Variants in KCNJ12 observed in about 807,000 individuals in gnomAD.
The protein encoded by KCNJ12 is potassium inwardly rectifying channel subfamily J member 12, also known as ATP-sensitive inward rectifier potassium channel 12.
Under a neutral mutation model 22.3 loss-of-function variants are expected in KCNJ12, and 2 were observed. The observed-to-expected ratio is 0.09, with a 90% confidence interval of 0.04 to 0.28. The LOEUF (loss-of-function observed/expected upper bound fraction) is 0.28. KCNJ12 is among the 10% of genes least tolerant of loss of function. The probability of loss-of-function intolerance (pLI) is 1.00; values close to 1 mark genes in which losing one functional copy is unlikely to be tolerated. For synonymous variants in KCNJ12, 117 were observed against 261.4 expected (o/e 0.45, Z 5.33); for missense variants, 155 against 633.3 (o/e 0.24, Z 8.11).
chr17:21,393,403 C>A (rs1030706804), intron 1 of KCNJ12, among the ~76,000 whole-genome samples: 19 of 152,130 alleles, frequency 1.2e-4, no homozygotes, highest in Admixed American at 6.5e-5. Context: ...ACCTGCACAC[C>A]CTGCCCCACT....
chr17:21,380,082 C>G (rs971230971), intron 1 of KCNJ12, among the ~76,000 whole-genome samples: 1 of 152,148 alleles, frequency 6.6e-6, no homozygotes, highest in African/African-American at 2.4e-5. Flanking sequence ...CCCTCAGGGG[C>G]ATTTGACTGC....
intron 1 of KCNJ12, among the ~76,000 whole-genome samples, chr17:21,382,300 G>A (rs782791506): frequency 6.6e-5 from 10 of 152,190 alleles, no homozygotes; most frequent in Non-Finnish European, 1.3e-4. Context: ...TGAGGCCTGG[G>A]GCGTGGGGCC....
rs3078445 is a variant in KCNJ12, at chr17:21,419,295, CGTGTGTGTGTGTGT to C, written c.*2672_*2685del. On this transcript the variant is annotated 3_prime_UTR_variant, in exon 3 of 3. Transcript: ENST00000583088. ...TAGTAATACAGATACGTGATCTATA[CGTGTGTGTGTGTGT>C]GTGTGTGTGTGTGTGTGTGTATGCA... 1.2e-4 allele frequency: 18 copies of C among 154,330 alleles called. No homozygotes were observed. The highest frequency in any genetic ancestry group is 3.3e-4 in the African/African-American group (13 of 39,298). 9.6% of individuals were successfully genotyped at this position (154,330 alleles called of 1,614,324 possible). A position where few individuals can be genotyped will look rare whatever the true frequency, so the allele number is the denominator to read the frequency against.
chr17:21,386,928 T>C (rs977678284), intron 1 of KCNJ12, among the ~76,000 whole-genome samples: 2 of 152,264 alleles, frequency 1.3e-5, no homozygotes, highest in Admixed American at 1.3e-4. Flanking sequence ...TCACAGGTTC[T>C]GTGTGGACAT....
Position 21,377,740 on chromosome 17 carries a change from C to A in KCNJ12, c.-179+827C>A, listed in dbSNP as rs1031574642. 2.6e-5 allele frequency among the ~76,000 whole-genome samples: 4 copies of A among 152,276 alleles called. No homozygotes were observed. The East Asian group carries it at 7.7e-4, about 29-fold the overall frequency. On this transcript the variant is annotated intron_variant, in intron 1 of 2. Coordinates refer to ENST00000583088, the MANE Select transcript of KCNJ12 (RefSeq NM_021012.5). ...TGCCTCGGTTTTGATCCAGCGTGCC[C>A]ATGTCATGTGAATATTTTAAAACCT...
At position 21,416,678 on chromosome 17, in the gene KCNJ12, G is replaced by C; in HGVS notation, c.*34G>C. The C allele has an allele frequency of 6.5e-7, 1 of 1,543,484 alleles. No homozygotes were observed. The highest frequency in any genetic ancestry group is 8.7e-7 in the Non-Finnish European group (1 of 1,146,128). ...TGGCCGACATGCAGCATCCACCCCC[G>C]GCTGGGGAGAGGCCCCGCGGTCGCT... On this transcript the variant is annotated 3_prime_UTR_variant, in exon 3 of 3. Transcript: ENST00000583088.
In KCNJ12 at chr17:21,419,126, G is replaced by A. The variant is rs1324371470; in HGVS notation, c.*2482G>A. The A allele has an allele frequency of 1.2e-5, 2 of 167,010 alleles. No individual in the cohort carries two copies. The highest frequency in any genetic ancestry group is 2.9e-5 in the Non-Finnish European group (2 of 68,136). The allele number at this position is 167,010 out of a possible 1,614,324, so 10.3% of individuals were successfully genotyped here. A position where few individuals can be genotyped will look rare whatever the true frequency, so the allele number is the denominator to read the frequency against. ...TCTCCCTCTTTAGTGCACTTGAAGC[G>A]GGAGGGCGGATGGGATGAGCCAGGA... On this transcript the variant is annotated 3_prime_UTR_variant, in exon 3 of 3. Transcript: ENST00000583088.
intron 2 of KCNJ12, among the ~76,000 whole-genome samples, chr17:21,410,703 C>T (rs1676063687): frequency 6.6e-6 from 1 of 152,292 alleles, no homozygotes; most frequent in African/African-American, 2.4e-5. Flanking sequence ...GTGCCACGCA[C>T]ACAGTCAGGC....
At chr17:21,402,223 A>T (rs3952389) in intron 1 of KCNJ12, among the ~76,000 whole-genome samples, 119 of 151,878 alleles carry the variant, frequency 7.8e-4, no homozygotes, top group Non-Finnish European at 9.6e-4. Context: ...TTGAAGGAGT[A>T]CCCTCTTCCC....
chr17:21,393,162 G>T (rs1292637743), intron 1 of KCNJ12, among the ~76,000 whole-genome samples: 2 of 152,038 alleles, frequency 1.3e-5, no homozygotes, highest in African/African-American at 4.8e-5. Context: ...TCAGAAGCTT[G>T]TGCTGCTTAG....
At chr17:21,377,422 A>G (rs1555557415) in intron 1 of KCNJ12, among the ~76,000 whole-genome samples, 1 of 151,076 alleles carries the variant, frequency 6.6e-6, no homozygotes. Context: ...TCTCTTTCTC[A>G]CCTCCCGTGC....
At chr17:21,377,083 G>A (rs577072025) in intron 1 of KCNJ12, among the ~76,000 whole-genome samples, 170 bp downstream of exon 1, 53 of 152,286 alleles carry the variant, frequency 3.5e-4, no homozygotes, top group Non-Finnish European at 6.5e-4. Context: ...TCCCTCCCTT[G>A]GTGAGACATC....
At chr17:21,406,239 C>T (rs1905926385) in intron 1 of KCNJ12, among the ~76,000 whole-genome samples, 3 of 152,304 alleles carry the variant, frequency 2.0e-5, no homozygotes, top group South Asian at 2.1e-4. Flanking sequence ...CAAGGCAGGG[C>T]TGTGAGCATC....
chr17:21,389,521 G>A (rs1555559078), intron 1 of KCNJ12, among the ~76,000 whole-genome samples: 1 of 152,218 alleles, frequency 6.6e-6, no homozygotes, highest in Non-Finnish European at 1.5e-5. Flanking sequence ...CGGCAGCTTC[G>A]CTGCTTGGGG....
chr17:21,403,541 A>C (rs1426387939), intron 1 of KCNJ12, among the ~76,000 whole-genome samples: 3 of 152,146 alleles, frequency 2.0e-5, no homozygotes, highest in Non-Finnish European at 2.9e-5. Flanking sequence ...GAAGCTGGAA[A>C]ATTTACAGCT....
In KCNJ12 at chr17:21,410,988, GTC is replaced by G. The variant is rs1236618584; in HGVS notation, c.-57+2352_-57+2353del. On this transcript the variant is annotated intron_variant, in intron 2 of 2. Coordinates refer to ENST00000583088, the MANE Select transcript of KCNJ12 (RefSeq NM_021012.5). ...GTGAGGCGCCCCAGCTAGCTGAACAGTCTCTGCATGGGGGATGGGGGCTGTTG... is the reference window on the plus strand; with the variant it reads ...GTGAGGCGCCCCAGCTAGCTGAACAGTCTGCATGGGGGATGGGGGCTGTTG... 3.9e-5 allele frequency among the ~76,000 whole-genome samples: 6 copies of G among 152,424 alleles called. No individual in the cohort carries two copies. In the East Asian group the frequency reaches 9.6e-4, roughly 24 times the overall value.
intron 1 of KCNJ12, among the ~76,000 whole-genome samples, chr17:21,380,911 A>G (rs4640244): frequency 0.33 from 49,939 of 151,864 alleles, 8,765 homozygotes; most frequent in East Asian, 0.41. Flanking sequence ...CCTAACCCCA[A>G]TCACCACCAC....
chr17:21,410,967 G>A (rs1430799026), intron 2 of KCNJ12, among the ~76,000 whole-genome samples: 1 of 152,308 alleles, frequency 6.6e-6, no homozygotes, highest in South Asian at 2.1e-4. Flanking sequence ...TGCCTCGTGA[G>A]GCGCCCCAGC....
At chr17:21,405,298 C>G (rs1443187058) in intron 1 of KCNJ12, 2 of 152,282 alleles carry the variant, frequency 1.3e-5, no homozygotes, top group African/African-American at 4.8e-5. Context: ...GAAGCCAGGG[C>G]TTGGCTTACC....
Sources: gnomAD v4.1 joint callset for allele counts (sites outside exome capture counted in the v4.1 genomes callset) on GRCh38, gnomAD v4.1.1 for gene constraint, MANE v1.5 for transcripts, NCBI Gene and HGNC (gene_info 2026-07-23, HGNC 2026-07-21) for gene names.